SLCO2B1: variants seen among roughly 807,000 people sequenced by gnomAD.
SLCO2B1 encodes the protein OATP-RP2.
A neutral mutation model predicts 67.3 loss-of-function variants in SLCO2B1; 41 were observed. The ratio of observed to expected loss-of-function variants is 0.61; its 90% CI spans 0.47 to 0.79. The LOEUF (loss-of-function observed/expected upper bound fraction) is 0.79. Ranked by LOEUF, SLCO2B1 falls within the 30% of genes least tolerant of loss-of-function variation. The probability of loss-of-function intolerance (pLI) is 0.00; values close to 1 mark genes in which losing one functional copy is unlikely to be tolerated. For synonymous variants in SLCO2B1, 379 were observed against 381.4 expected (o/e 0.99, Z 0.07); for missense variants, 837 against 920.1 (o/e 0.91, Z 1.17).
chr11:75,194,050 A>G (rs1945066476), intron 9 of SLCO2B1, among the ~76,000 whole-genome samples: 1 of 152,202 alleles, frequency 6.6e-6, no homozygotes, highest in South Asian at 2.1e-4. Flanking sequence ...GGGAGGCTGC[A>G]GAGGGGACTC....
Position 75,155,889 on chromosome 11 carries a change from T to C in SLCO2B1, c.16+4492T>C, listed in dbSNP as rs571605502. The stretch of plus-strand genomic sequence containing the variant: ...GAATTTGGGGAATGGCAAGAATCTA[T>C]TGGAGCCAGGGAATAATGCTCACTA... On this transcript the variant is annotated intron_variant, in intron 1 of 13. Transcript: ENST00000289575. Among the ~76,000 whole-genome samples the C allele has an allele frequency of 9.2e-5, 14 of 152,274 alleles. No homozygotes were observed. In the East Asian group the frequency reaches 2.7e-3, roughly 29 times the overall value.
chr11:75,193,943 C>T lies in SLCO2B1; in HGVS notation c.1433+368C>T, dbSNP rs543735779. Among the ~76,000 whole-genome samples, 7 of 152,226 alleles carry T rather than the reference C, an allele frequency of 4.6e-5. No individual in the cohort carries two copies. In the South Asian group the frequency reaches 1.5e-3, roughly 32 times the overall value. On this transcript the variant is annotated intron_variant, in intron 9 of 13. Transcript: ENST00000289575. The surrounding 1 kb of genome is among the most constrained non-coding windows in gnomAD (Gnocchi z 4.2). ...ACATCACAGGAGCCAGGACCCAGCT[C>T]AGCCAGAGGAATGGCCTGCCCAGGA...
intron 1 of SLCO2B1, among the ~76,000 whole-genome samples, chr11:75,162,244 G>C (rs917237118): frequency 6.6e-6 from 1 of 152,156 alleles, no homozygotes; most frequent in African/African-American, 2.4e-5. Context: ...CCCAGGCCCA[G>C]ACTCAGTCTC....
In SLCO2B1 at chr11:75,193,586, G is replaced by C; in HGVS notation, c.1433+11G>C. On this transcript the variant is annotated intron_variant, in intron 9 of 13. Coordinates refer to ENST00000289575, the MANE Select transcript of SLCO2B1 (RefSeq NM_007256.5). This position sits in a 1 kb window ranked among gnomAD's most constrained non-coding sequence, Gnocchi z 4.2. ...CACACACCAGACCAGGTGAGTGTGT[G>C]CGTGGGCACGTAAAGGCAAGCCTGG... The C allele has an allele frequency of 6.6e-7, 1 of 1,525,552 alleles. No individual in the cohort carries two copies. The highest frequency in any genetic ancestry group is 1.4e-5 in the African/African-American group (1 of 72,754). 94.5% of individuals were successfully genotyped at this position (1,525,552 alleles called of 1,614,324 possible).
chr11:75,162,613 G>A (rs1290920396), intron 1 of SLCO2B1, 42 bp from the exon 2 acceptor site: 1 of 1,593,090 alleles, frequency 6.3e-7, no homozygotes, highest in South Asian at 1.2e-5. Context: ...GCCATTCTCG[G>A]GGATTCTATC....
In SLCO2B1 at chr11:75,193,902, AGAT is replaced by A. The variant is rs569506396; in HGVS notation, c.1433+330_1433+332del. On this transcript the variant is annotated intron_variant, in intron 9 of 13. Coordinates refer to ENST00000289575, the MANE Select transcript of SLCO2B1 (RefSeq NM_007256.5). This position sits in a 1 kb window ranked among gnomAD's most constrained non-coding sequence, Gnocchi z 4.2. Reference sequence around the variant, plus strand: ...TGACCAAGCCCTGTGGGCCCAACAGAGATGAGCCAGAGGCTACATCACAGGAGC... The same window carrying A: ...TGACCAAGCCCTGTGGGCCCAACAGAGAGCCAGAGGCTACATCACAGGAGC... Among the ~76,000 whole-genome samples, 111 of 152,258 alleles carry A rather than the reference AGAT, an allele frequency of 7.3e-4. No individual in the cohort carries two copies. The highest frequency in any genetic ancestry group is 1.3e-3 in the Non-Finnish European group (89 of 68,000).
At chr11:75,174,333 A>G (rs1410994701) in intron 7 of SLCO2B1, among the ~76,000 whole-genome samples, 2 of 138,636 alleles carry the variant, frequency 1.4e-5, no homozygotes, top group Non-Finnish European at 1.5e-5. Flanking sequence ...TTGCTGCAAG[A>G]GCATTTCTGT....
intron 7 of SLCO2B1, among the ~76,000 whole-genome samples, chr11:75,184,097 A>G (rs539439041): frequency 3.0e-4 from 45 of 152,228 alleles, no homozygotes; most frequent in Non-Finnish European, 5.4e-4. Context: ...CAGCAGTTCA[A>G]GAACTCCCTG....
chr11:75,155,839 G>A (rs747500678), intron 1 of SLCO2B1, among the ~76,000 whole-genome samples: 4 of 152,170 alleles, frequency 2.6e-5, no homozygotes, highest in Non-Finnish European at 5.9e-5. Context: ...TGGTACAAAG[G>A]CTTTGAGGTG....
At chr11:75,180,180 C>G (rs578129765) in intron 7 of SLCO2B1, among the ~76,000 whole-genome samples, 1 of 151,994 alleles carries the variant, frequency 6.6e-6, no homozygotes, top group African/African-American at 2.4e-5. Context: ...CAATGCCTGG[C>G]AAATATTTGT....
intron 7 of SLCO2B1, among the ~76,000 whole-genome samples, chr11:75,176,742 C>T (rs80020624): frequency 0.021 from 3,123 of 152,266 alleles, 49 homozygotes; most frequent in Non-Finnish European, 0.03. Context: ...TAGGGATTTG[C>T]CCAGCCAGGA....
chr11:75,164,057 G>A lies in SLCO2B1; in HGVS notation c.242G>A (p.Gly81Asp), dbSNP rs1414989882. The change falls in exon 3 of 14, where the codon GGC becomes GAC. Residue 81 changes from glycine (G) to aspartate (D), a missense_variant. Gly to Asp is a moderately conservative substitution (Grantham distance 94, BLOSUM62 -1). Coordinates refer to ENST00000289575, the MANE Select transcript of SLCO2B1 (RefSeq NM_007256.5). ...SSISTVEKRF[G>D]LSSQTSGLLA... The stretch of plus-strand genomic sequence containing the variant: ...ATCTCCACAGTGGAGAAGCGCTTCG[G>A]CCTCTCCAGCCAGACGTCGGGGCTG... The A allele has an allele frequency of 6.2e-7, 1 of 1,608,054 alleles. No individual in the cohort carries two copies.
At chr11:75,188,305 A>G (rs575336227) in intron 8 of SLCO2B1, 67 bp downstream of exon 8, 1 of 1,014,190 alleles carries the variant, frequency 9.9e-7, no homozygotes, top group African/African-American at 1.6e-5. Context: ...GTCAGGATCC[A>G]GTCCTTCCTG....
chr11:75,184,050 G>A (rs1281305318), intron 7 of SLCO2B1, among the ~76,000 whole-genome samples: 2 of 152,182 alleles, frequency 1.3e-5, no homozygotes, highest in Non-Finnish European at 2.9e-5. Context: ...GCTAGAGCTG[G>A]TGTGCTCTGA....
intron 1 of SLCO2B1, among the ~76,000 whole-genome samples, chr11:75,159,380 C>T (rs1363154294): frequency 2.6e-5 from 4 of 152,186 alleles, no homozygotes; most frequent in African/African-American, 7.2e-5. Flanking sequence ...GCTCTCTGCC[C>T]CAGGTCCCTT....
At position 75,193,139 on chromosome 11, in the gene SLCO2B1, C is replaced by A; in HGVS notation, c.1076-79C>A. On this transcript the variant is annotated intron_variant, in intron 8 of 13. Coordinates refer to ENST00000289575, the MANE Select transcript of SLCO2B1 (RefSeq NM_007256.5). This position sits in a 1 kb window ranked among gnomAD's most constrained non-coding sequence, Gnocchi z 4.2. ...GTTAGAAGAAATGGAACTGCTTGAACTGAGCAGGGCAGGAGGGCAGTCTCT... is the reference window on the plus strand; with the variant it reads ...GTTAGAAGAAATGGAACTGCTTGAAATGAGCAGGGCAGGAGGGCAGTCTCT... The A allele has an allele frequency of 9.6e-7, 1 of 1,038,434 alleles. No homozygotes were observed. The highest frequency in any genetic ancestry group is 1.4e-6 in the Non-Finnish European group (1 of 708,812). The allele number at this position is 1,038,434 out of a possible 1,614,324, so 64.3% of individuals were successfully genotyped here.
At chr11:75,153,039 C>A (rs1481361065) in intron 1 of SLCO2B1, among the ~76,000 whole-genome samples, 1 of 152,214 alleles carries the variant, frequency 6.6e-6, no homozygotes, top group Non-Finnish European at 1.5e-5. Flanking sequence ...AGCAGTTTCC[C>A]TGCAAGTGCT....
At chr11:75,161,117 T>C (rs1949814891) in intron 1 of SLCO2B1, among the ~76,000 whole-genome samples, 1 of 152,238 alleles carries the variant, frequency 6.6e-6, no homozygotes, top group African/African-American at 2.4e-5. Flanking sequence ...TATGTCTCCA[T>C]ACAAATTTGT....
At chr11:75,177,300 A>T (rs1216168644) in intron 7 of SLCO2B1, among the ~76,000 whole-genome samples, 4 of 152,282 alleles carry the variant, frequency 2.6e-5, no homozygotes, top group Admixed American at 2.6e-4. Flanking sequence ...GTTCCTAAAA[A>T]CCAGCTGAGC....
Sources: allele counts gnomAD v4.1 joint callset (sites outside exome capture counted in the v4.1 genomes callset), GRCh38; gene constraint gnomAD v4.1.1; non-coding constraint Gnocchi (gnomAD v3.1); transcripts MANE v1.5; gene names NCBI Gene and HGNC (gene_info 2026-07-23, HGNC 2026-07-21).